The following CMTM8 variants were observed in gnomAD, a reference collection of about 807,000 sequenced individuals.
CMTM8 encodes the protein CKLF-like MARVEL transmembrane domain-containing protein 8.
A neutral mutation model predicts 18.6 loss-of-function variants in CMTM8; 12 were observed. The observed-to-expected ratio is 0.65, with a 90% CI of 0.41 to 1.05. The LOEUF (loss-of-function observed/expected upper bound fraction) is 1.05, where lower values mean the gene tolerates loss of function less well. Among genes scored for constraint, CMTM8 ranks in the 50% least tolerant of loss-of-function variants. The probability of loss-of-function intolerance (pLI) is 0.00; values close to 1 mark genes in which losing one functional copy is unlikely to be tolerated. For synonymous variants in CMTM8, 87 were observed against 90.6 expected, an observed-to-expected ratio of 0.96 and a Z score of 0.23; for missense variants, 217 against 227.2, an observed-to-expected ratio of 0.95 and a Z score of 0.29.
chr3:32,268,207 A>G (rs1410388303), intron 1 of CMTM8, among the ~76,000 whole-genome samples: 3 of 152,246 alleles, frequency 2.0e-5, no homozygotes, highest in Admixed American at 6.5e-5. Context: ...ATGTCCAACA[A>G]TGATAGACTG....
chr3:32,291,102 G>A (rs1442848560), intron 1 of CMTM8, among the ~76,000 whole-genome samples: 1 of 151,752 alleles, frequency 6.6e-6, no homozygotes, highest in East Asian at 1.9e-4. Flanking sequence ...TGGGAGATGA[G>A]AGGCAAAGGT....
chr3:32,253,904 A>G (rs1238071943), intron 1 of CMTM8, among the ~76,000 whole-genome samples: 1 of 151,130 alleles, frequency 6.6e-6, no homozygotes, highest in African/African-American at 2.4e-5. Flanking sequence ...TATTTTTTTC[A>G]GGGGGGAGGA....
intron 1 of CMTM8, among the ~76,000 whole-genome samples, chr3:32,277,125 A>G (rs6769244): frequency 0.07 from 10,575 of 151,716 alleles, 426 homozygotes; most frequent in African/African-American, 0.11. Context: ...GGGCTCAAGT[A>G]ATCCTCCCAC....
chr3:32,307,547 G>A (rs1436250276), intron 1 of CMTM8, among the ~76,000 whole-genome samples: 2 of 152,194 alleles, frequency 1.3e-5, no homozygotes, highest in Non-Finnish European at 2.9e-5. Context: ...ATAGGAGACT[G>A]TGGAGTGGCA....
At chr3:32,262,819 C>T (rs1324817844) in intron 1 of CMTM8, among the ~76,000 whole-genome samples, 2 of 152,140 alleles carry the variant, frequency 1.3e-5, no homozygotes, top group Non-Finnish European at 2.9e-5. Flanking sequence ...ATTAATTCCC[C>T]CTGGACTGGG....
At chr3:32,275,853 T>C (rs1216056160) in intron 1 of CMTM8, among the ~76,000 whole-genome samples, 1 of 152,072 alleles carries the variant, frequency 6.6e-6, no homozygotes, top group Non-Finnish European at 1.5e-5. Flanking sequence ...TTTCGCTATG[T>C]TGGCCAGGCT....
intron 1 of CMTM8, among the ~76,000 whole-genome samples, chr3:32,240,485 A>G (rs67360645): frequency 0.21 from 32,073 of 152,142 alleles, 4,051 homozygotes; most frequent in East Asian, 0.44. Flanking sequence ...CTAAAATGAC[A>G]GAGATGGGCC....
intron 1 of CMTM8, among the ~76,000 whole-genome samples, chr3:32,312,362 T>G (rs192277614): frequency 6.0e-4 from 91 of 152,296 alleles, no homozygotes; most frequent in Non-Finnish European, 1.1e-3. Context: ...AGCTACAAAT[T>G]GGCAGTTCCT....
At chr3:32,262,045 C>A (rs574166091) in intron 1 of CMTM8, among the ~76,000 whole-genome samples, 1 of 152,132 alleles carries the variant, frequency 6.6e-6, no homozygotes, top group Non-Finnish European at 1.5e-5. Flanking sequence ...CTACTGGAAT[C>A]ATACCATGGA....
chr3:32,364,729 T>C (rs1696999924), intron 2 of CMTM8, among the ~76,000 whole-genome samples: 1 of 152,194 alleles, frequency 6.6e-6, no homozygotes, highest in African/African-American at 2.4e-5. Context: ...CTCTTGAGGA[T>C]ATCAGATGCC....
intron 2 of CMTM8, among the ~76,000 whole-genome samples, chr3:32,361,823 A>C (rs1696937458): frequency 6.6e-6 from 1 of 152,132 alleles, no homozygotes; most frequent in African/African-American, 2.4e-5. Flanking sequence ...TTATTCAGGG[A>C]GACTTGGATA....
chr3:32,336,095 C>A (rs1395950568), intron 1 of CMTM8, among the ~76,000 whole-genome samples: 2 of 152,218 alleles, frequency 1.3e-5, no homozygotes, highest in East Asian at 3.9e-4. Context: ...TTTCATAATC[C>A]TCCTTGTTTG....
intron 1 of CMTM8, among the ~76,000 whole-genome samples, chr3:32,300,671 C>A (rs1447447618): frequency 2.6e-5 from 4 of 152,212 alleles, no homozygotes; most frequent in East Asian, 1.9e-4. Context: ...ATAAAATATT[C>A]TTTTAGGCTG....
Position 32,280,379 on chromosome 3 carries a change from T to C in CMTM8, c.147+41260T>C, listed in dbSNP as rs115199887. On this transcript the variant is annotated intron_variant, in intron 1 of 3. Transcript: ENST00000307526. ...TGGAAAGTACTCTGATTGGTCCCCT[T>C]CTGCAACCAATCAGACTGGTCGTGG... 4.1e-3 allele frequency among the ~76,000 whole-genome samples: 631 copies of C among 152,302 alleles called. 8 individuals are homozygous for C. Among genetic ancestry groups the C allele is most frequent in the African/African-American group, 0.014 (598 of 41,554 alleles).
At chr3:32,327,220 A>G (rs1696180112) in intron 1 of CMTM8, among the ~76,000 whole-genome samples, 1 of 152,202 alleles carries the variant, frequency 6.6e-6, no homozygotes, top group South Asian at 2.1e-4. Context: ...TGTCCTTCCA[A>G]ATAGGATTGT....
At chr3:32,289,664 A>G (rs1702746103) in intron 1 of CMTM8, among the ~76,000 whole-genome samples, 3 of 152,240 alleles carry the variant, frequency 2.0e-5, no homozygotes, top group Non-Finnish European at 2.9e-5. Flanking sequence ...GATGCATAGA[A>G]AATGTGGGAC....
At chr3:32,274,812 A>G (rs1702491769) in intron 1 of CMTM8, among the ~76,000 whole-genome samples, 1 of 152,064 alleles carries the variant, frequency 6.6e-6, no homozygotes, top group South Asian at 2.1e-4. Flanking sequence ...GACCTTGACA[A>G]TTTTGAAGAA....
chr3:32,327,872 A>G (rs933107431), intron 1 of CMTM8, among the ~76,000 whole-genome samples: 4 of 152,228 alleles, frequency 2.6e-5, no homozygotes, highest in African/African-American at 9.6e-5. Flanking sequence ...ATGAATACAT[A>G]TATACATTTG....
chr3:32,296,386 A>G (rs930549487), intron 1 of CMTM8, among the ~76,000 whole-genome samples: 5 of 152,206 alleles, frequency 3.3e-5, no homozygotes, highest in South Asian at 2.1e-4. Flanking sequence ...TGTATCTGCA[A>G]TGAGTACCTG....
Sources: gnomAD v4.1 joint callset for allele counts (sites outside exome capture counted in the v4.1 genomes callset) on GRCh38, gnomAD v4.1.1 for gene constraint, MANE v1.5 for transcripts, NCBI Gene and HGNC (gene_info 2026-07-23, HGNC 2026-07-21) for gene names.